SLC24A4: variants seen among roughly 807,000 people sequenced by gnomAD.
SLC24A4 encodes the protein sodium/potassium/calcium exchanger 4.
In SLC24A4, 53 loss-of-function variants were observed where a neutral mutation model predicts 79.0. That is an observed-to-expected ratio of 0.67 (90% CI 0.54 to 0.84). The LOEUF is 0.84. SLC24A4 is among the 40% of genes least tolerant of loss of function. SLC24A4 has a pLI of 0.00. For synonymous variants in SLC24A4, 323 were observed against 323.8 expected (o/e 1.00, Z 0.03); for missense variants, 731 against 822.0 (o/e 0.89, Z 1.35).
At chr14:92,418,008 G>A (rs1446557305) in intron 2 of SLC24A4, among the ~76,000 whole-genome samples, 3 of 152,208 alleles carry the variant, frequency 2.0e-5, no homozygotes, top group African/African-American at 7.2e-5. Flanking sequence ...TGTCTGCTGT[G>A]TGCAAGCTAC....
rs1895386051 is a variant in SLC24A4, at chr14:92,486,766, T to C, written c.1523T>C (p.Ile508Thr). Residue 508 changes from isoleucine (I) to threonine (T), a missense_variant, in exon 14 of 17, where the codon ATT becomes ACT. Coordinates refer to ENST00000532405, the MANE Select transcript of SLC24A4 (RefSeq NM_153646.4). ...GTTCCAGACTGCATGGCCAGCCTAA[T>C]TGTGGCGAGACAAGGTATGGATTAT... ...TSVPDCMASL[I>T]VARQGLGDMA... The C allele has an allele frequency of 5.0e-6, 8 of 1,613,794 alleles. No individual in the cohort carries two copies. The highest frequency in any genetic ancestry group is 4.4e-5 in the South Asian group (4 of 91,074).
intron 2 of SLC24A4, among the ~76,000 whole-genome samples, chr14:92,374,928 A>G (rs1173891899): frequency 2.6e-5 from 4 of 152,246 alleles, no homozygotes; most frequent in African/African-American, 9.6e-5. Context: ...GGGTAACAAA[A>G]TGTCAACAGA....
intron 2 of SLC24A4, among the ~76,000 whole-genome samples, chr14:92,356,695 G>A (rs1427273485): frequency 3.9e-5 from 6 of 152,232 alleles, no homozygotes; most frequent in African/African-American, 1.4e-4. Context: ...GCATGGTATA[G>A]ACCTTGTCTT....
At chr14:92,338,869 G>A (rs1885966100) in intron 2 of SLC24A4, among the ~76,000 whole-genome samples, 1 of 152,326 alleles carries the variant, frequency 6.6e-6, no homozygotes, top group African/African-American at 2.4e-5. Context: ...TGAGCTCCTT[G>A]AGGGCAGGGA....
At chr14:92,463,293 G>A (rs1893920272) in intron 12 of SLC24A4, among the ~76,000 whole-genome samples, 2 of 152,134 alleles carry the variant, frequency 1.3e-5, no homozygotes, top group Non-Finnish European at 2.9e-5. Flanking sequence ...AGGCGGCACT[G>A]CAGAAATGGA....
At chr14:92,388,544 C>CT (rs1234154732) in intron 2 of SLC24A4, among the ~76,000 whole-genome samples, 1 of 152,222 alleles carries the variant, frequency 6.6e-6, no homozygotes, top group Non-Finnish European at 1.5e-5. Context: ...TGCCCACGGC[C>CT]TGGTTCGCCT....
In SLC24A4 at chr14:92,499,200, T is replaced by C. The variant is rs117824397; in HGVS notation, c.*5572T>C. ...CATGTTTCTAAGGCTCTTTATTCAA[T>C]CTCACGGTGTCAGTGTCCAGTTGTC... is the stretch of plus-strand genomic sequence containing the variant. On this transcript the variant is annotated 3_prime_UTR_variant, in exon 17 of 17. Transcript: ENST00000532405. 6.6e-6 allele frequency: 1 copy of C among 152,258 alleles called. No homozygotes were observed. Among genetic ancestry groups the C allele is most frequent in the Non-Finnish European group, 1.5e-5 (1 of 68,056 alleles). The allele number at this position is 152,258 out of a possible 1,614,324, so 9.4% of individuals were successfully genotyped here.
At chr14:92,345,608 A>G (rs1443849160) in intron 2 of SLC24A4, among the ~76,000 whole-genome samples, 1 of 152,222 alleles carries the variant, frequency 6.6e-6, no homozygotes, top group Non-Finnish European at 1.5e-5. Context: ...AGGCTGAGGC[A>G]GGAGAATCAC....
At chr14:92,324,865 A>G (rs12433076) in intron 1 of SLC24A4, among the ~76,000 whole-genome samples, 9,823 of 152,344 alleles carry the variant, frequency 0.064, 396 homozygotes, top group Middle Eastern at 0.13. Context: ...AAAGGCCGTC[A>G]ACATCCAGAG....
At chr14:92,414,935 A>C (rs1359534774) in intron 2 of SLC24A4, among the ~76,000 whole-genome samples, 9 of 152,176 alleles carry the variant, frequency 5.9e-5, no homozygotes, top group Non-Finnish European at 1.2e-4. Flanking sequence ...GGAGGTCACC[A>C]TGTGCTCTGG....
In SLC24A4 at chr14:92,323,950, C is replaced by T. The variant is rs1884954202; in HGVS notation, c.120C>T (p.Phe40=). ...TGGTGTGCTGTGCGTCCGGCCTCTTCGGCAGCTTGGGTGGGTGCTGGTACG... is the reference window on the plus strand; with the variant it reads ...TGGTGTGCTGTGCGTCCGGCCTCTTTGGCAGCTTGGGTGGGTGCTGGTACG... ...LALVCCASGL[F]GSLGHKTASA... Residue 40 remains phenylalanine (F), a synonymous_variant, in exon 1 of 17, where the codon TTC becomes TTT. Transcript: ENST00000532405. The surrounding 1 kb of genome is among the most constrained non-coding windows in gnomAD (Gnocchi z 4.9). 1 of 1,610,870 alleles carries T rather than the reference C, an allele frequency of 6.2e-7. No individual in the cohort carries two copies. Among genetic ancestry groups the T allele is most frequent in the Non-Finnish European group, 8.5e-7 (1 of 1,179,332 alleles).
intron 2 of SLC24A4, among the ~76,000 whole-genome samples, chr14:92,410,823 G>A (rs887161790): frequency 1.3e-4 from 20 of 152,230 alleles, no homozygotes; most frequent in African/African-American, 4.3e-4. Flanking sequence ...GGATGAAGGT[G>A]TGGAGTGCCT....
chr14:92,430,318 A>G (rs1891795626), intron 2 of SLC24A4, among the ~76,000 whole-genome samples: 1 of 152,194 alleles, frequency 6.6e-6, no homozygotes, highest in African/African-American at 2.4e-5. Flanking sequence ...CATTTTGAGA[A>G]GCAGGAGCAA....
intron 3 of SLC24A4, among the ~76,000 whole-genome samples, chr14:92,434,328 T>C (rs970330128): frequency 1.3e-5 from 2 of 152,180 alleles, no homozygotes; most frequent in Non-Finnish European, 2.9e-5. Context: ...TGGCACATGA[T>C]AACTCCTACA....
intron 2 of SLC24A4, among the ~76,000 whole-genome samples, chr14:92,424,043 C>G (rs1271522988): frequency 6.6e-6 from 1 of 152,154 alleles, no homozygotes; most frequent in East Asian, 1.9e-4. Context: ...TGCAGACATA[C>G]CACTCCAACC....
At position 92,411,436 on chromosome 14, in the gene SLC24A4, T is replaced by C. The variant is rs183375897; in HGVS notation, c.242-22476T>C. ...ATAGCAAACATTTTTCCATGCCCAG[T>C]GTGAGACCTGCCCCTTTCCTAACCA... On this transcript the variant is annotated intron_variant, in intron 2 of 16. Coordinates refer to ENST00000532405, the MANE Select transcript of SLC24A4 (RefSeq NM_153646.4). Among the ~76,000 whole-genome samples, 87 of 152,274 alleles carry C rather than the reference T, an allele frequency of 5.7e-4. 1 individual carries two copies. In the East Asian group the frequency reaches 0.014, roughly 24 times the overall value.
chr14:92,324,452 C>T (rs987186132), intron 1 of SLC24A4, among the ~76,000 whole-genome samples: 3 of 152,202 alleles, frequency 2.0e-5, no homozygotes, highest in Non-Finnish European at 2.9e-5. Context: ...GGCAGTCTGC[C>T]GCGGGGGGTA....
chr14:92,454,487 C>T (rs1209665786), intron 11 of SLC24A4, among the ~76,000 whole-genome samples: 2 of 152,152 alleles, frequency 1.3e-5, no homozygotes, highest in Admixed American at 1.3e-4. Flanking sequence ...TTCACTCTTG[C>T]TGTGTTTAAA....
intron 2 of SLC24A4, among the ~76,000 whole-genome samples, chr14:92,419,334 G>A (rs1891154538): frequency 6.6e-6 from 1 of 152,144 alleles, no homozygotes; most frequent in Non-Finnish European, 1.5e-5. Flanking sequence ...CACTCACTCT[G>A]GCAAATCATC....
Sources: gnomAD v4.1 joint callset for allele counts (sites outside exome capture counted in the v4.1 genomes callset) on GRCh38, gnomAD v4.1.1 for gene constraint, Gnocchi (gnomAD v3.1) non-coding constraint, MANE v1.5 for transcripts, NCBI Gene and HGNC (gene_info 2026-07-23, HGNC 2026-07-21) for gene names.